Variants in SNX24 observed in about 807,000 individuals in gnomAD.
The protein encoded by SNX24 is sorting nexin 24.
A neutral mutation model predicts 28.7 loss-of-function variants in SNX24; 22 were observed. The ratio of observed to expected loss-of-function variants is 0.77; its 90% CI spans 0.55 to 1.10. SNX24 has a LOEUF of 1.10. SNX24 is among the 50% of genes least tolerant of loss of function. The probability of loss-of-function intolerance (pLI) is 0.00; values close to 1 mark genes in which losing one functional copy is unlikely to be tolerated. For missense variants in SNX24, 221 were observed against 201.1 expected (o/e 1.10, Z -0.60); for synonymous variants, 69 against 71.5 (o/e 0.96, Z 0.18).
At chr5:122,846,970 T>C (rs1336812241) in intron 1 of SNX24, among the ~76,000 whole-genome samples, 1 of 152,118 alleles carries the variant, frequency 6.6e-6, no homozygotes, top group Non-Finnish European at 1.5e-5. Flanking sequence ...TTTTTTTTTT[T>C]TCTTGGAGAT....
intron 2 of SNX24, among the ~76,000 whole-genome samples, 186 bp downstream of exon 2, chr5:122,937,003 T>TA (rs775602013): frequency 1.3e-5 from 2 of 152,222 alleles, no homozygotes; most frequent in Non-Finnish European, 2.9e-5. Context: ...GCTTTCTGAA[T>TA]AGGTAGATTT....
chr5:122,903,234 A>G (rs2150081751), intron 1 of SNX24, among the ~76,000 whole-genome samples: 1 of 152,038 alleles, frequency 6.6e-6, no homozygotes, highest in Non-Finnish European at 1.5e-5. Context: ...CAGCCTCCCT[A>G]GTCACTGGGA....
intron 1 of SNX24, among the ~76,000 whole-genome samples, chr5:122,914,829 G>A (rs1277818207): frequency 6.6e-6 from 1 of 151,900 alleles, no homozygotes; most frequent in Non-Finnish European, 1.5e-5. Flanking sequence ...CAATTTTGTT[G>A]ATCCTTTTTC....
intron 3 of SNX24, among the ~76,000 whole-genome samples, chr5:122,979,043 C>A (rs1218285029): frequency 6.8e-6 from 1 of 147,694 alleles, no homozygotes. Context: ...TAATATATCC[C>A]TTCTAAAACA....
intron 5 of SNX24, among the ~76,000 whole-genome samples, chr5:123,024,451 A>T (rs538338071): frequency 6.6e-6 from 1 of 152,232 alleles, no homozygotes; most frequent in Admixed American, 6.5e-5. Context: ...TCAGAAATGG[A>T]CCTAGTTCTA....
intron 3 of SNX24, among the ~76,000 whole-genome samples, chr5:122,998,954 CATG>C (rs200305182): frequency 6.6e-6 from 1 of 150,890 alleles, no homozygotes; most frequent in East Asian, 1.9e-4. Flanking sequence ...AAAATTTACC[CATG>C]ATAAGTTATG....
chr5:122,849,758 C>A (rs537234770), intron 1 of SNX24, among the ~76,000 whole-genome samples: 53 of 152,276 alleles, frequency 3.5e-4, no homozygotes, highest in Middle Eastern at 6.8e-3. Context: ...ATAAACTCCC[C>A]AAGTATCCCC....
intron 1 of SNX24, among the ~76,000 whole-genome samples, chr5:122,899,875 G>A (rs1022003638): frequency 6.6e-6 from 1 of 152,120 alleles, no homozygotes; most frequent in African/African-American, 2.4e-5. Flanking sequence ...TTTCTTATTA[G>A]GACTGATTAA....
intron 1 of SNX24, among the ~76,000 whole-genome samples, chr5:122,900,142 C>T (rs960418739): frequency 1.3e-5 from 2 of 151,708 alleles, no homozygotes; most frequent in Non-Finnish European, 2.9e-5. Context: ...GCCTCAGACT[C>T]CTGAGTAGCT....
chr5:122,921,981 TTC>T (rs1258747060), intron 1 of SNX24, among the ~76,000 whole-genome samples: 4 of 152,078 alleles, frequency 2.6e-5, no homozygotes, highest in Admixed American at 6.5e-5. Context: ...AATGTCCTTT[TTC>T]TCTCTCTCTC....
chr5:122,946,000 T>G lies in SNX24; in HGVS notation c.145-55T>G, dbSNP rs181746100. ...TTTCCCCAAATAATATCACTATAATTAACAGACATCTCTGTTTTTTTTTTT... is the reference window on the plus strand; with the variant it reads ...TTTCCCCAAATAATATCACTATAATGAACAGACATCTCTGTTTTTTTTTTT... On this transcript the variant is annotated intron_variant, in intron 2 of 6. Coordinates refer to ENST00000261369, the MANE Select transcript of SNX24 (RefSeq NM_014035.4). 129 of 936,060 alleles carry G rather than the reference T, an allele frequency of 1.4e-4. No individual in the cohort carries two copies. The Middle Eastern group carries it at 3.8e-3, about 28-fold the overall frequency. 58.0% of individuals were successfully genotyped at this position (936,060 alleles called of 1,614,324 possible).
chr5:123,007,506 G>T (rs114937387), intron 6 of SNX24, among the ~76,000 whole-genome samples, 176 bp from the exon 7 acceptor site: 2,665 of 152,312 alleles, frequency 0.017, 31 homozygotes, highest in Non-Finnish European at 0.028. Context: ...AGTGGCTTTA[G>T]GCTGAAGCAG....
intron 1 of SNX24, among the ~76,000 whole-genome samples, chr5:122,849,964 C>T (rs1005848138): frequency 2.6e-5 from 4 of 152,096 alleles, no homozygotes; most frequent in Non-Finnish European, 4.4e-5. Context: ...ACTGGAATTT[C>T]AGGATTGTGC....
chr5:122,912,794 A>AGG (rs1307321218), intron 1 of SNX24, among the ~76,000 whole-genome samples: 1 of 149,558 alleles, frequency 6.7e-6, no homozygotes, highest in Non-Finnish European at 1.5e-5. Context: ...GGGATTTGGC[A>AGG]GGGTCTAGGA....
chr5:122,927,697 C>T (rs899777898), intron 1 of SNX24, among the ~76,000 whole-genome samples: 12 of 152,192 alleles, frequency 7.9e-5, no homozygotes, highest in African/African-American at 1.9e-4. Context: ...TAAAACCATA[C>T]ACCCTGATAT....
chr5:122,845,712 C>T lies in SNX24; in HGVS notation c.60+19C>T. 3 of 1,350,246 alleles carry T rather than the reference C, an allele frequency of 2.2e-6. No homozygotes were observed. The highest frequency in any genetic ancestry group is 2.0e-4 in the Middle Eastern group (1 of 4,880). 83.6% of individuals were successfully genotyped at this position (1,350,246 alleles called of 1,614,324 possible). A position where few individuals can be genotyped will look rare whatever the true frequency, so the allele number is the denominator to read the frequency against. On this transcript the variant is annotated intron_variant, in intron 1 of 6. Transcript: ENST00000261369. ...ATACACGGTAGGCGCGGGCCGCGGGCGGACAGGGCCCCGCGAGCCAGGCCT... is the reference window on the plus strand; with the variant it reads ...ATACACGGTAGGCGCGGGCCGCGGGTGGACAGGGCCCCGCGAGCCAGGCCT...
chr5:122,924,785 G>A (rs1229568482), intron 1 of SNX24, among the ~76,000 whole-genome samples: 1 of 152,154 alleles, frequency 6.6e-6, no homozygotes, highest in African/African-American at 2.4e-5. Context: ...CTAAGGCTCA[G>A]AGTTGATAAG....
intron 2 of SNX24, among the ~76,000 whole-genome samples, chr5:122,943,787 C>T (rs1382269218): frequency 3.3e-5 from 5 of 152,170 alleles, no homozygotes; most frequent in Admixed American, 3.3e-4. Context: ...CACTCATGCT[C>T]AAGAGGAGGG....
intron 3 of SNX24, among the ~76,000 whole-genome samples, chr5:122,972,083 G>A (rs1358111521): frequency 6.6e-6 from 1 of 152,148 alleles, no homozygotes; most frequent in Non-Finnish European, 1.5e-5. Context: ...ATTCCATCTT[G>A]ATAGTCTTGG....
Sources: gnomAD v4.1 joint callset for allele counts (sites outside exome capture counted in the v4.1 genomes callset) on GRCh38, gnomAD v4.1.1 for gene constraint, MANE v1.5 for transcripts, NCBI Gene and HGNC (gene_info 2026-07-23, HGNC 2026-07-21) for gene names.